Variants in ADGRB1 observed in about 807,000 individuals in gnomAD.
The protein encoded by ADGRB1 is adhesion G protein-coupled receptor B1.
ADGRB1 carries 36 observed loss-of-function variants against 175.7 expected under a neutral mutation model. The ratio of observed to expected loss-of-function variants is 0.20; its 90% confidence interval spans 0.16 to 0.27. The LOEUF (loss-of-function observed/expected upper bound fraction) is 0.27, where lower values mean the gene tolerates loss of function less well. ADGRB1 is among the 10% of genes least tolerant of loss of function. The probability of loss-of-function intolerance (pLI) is 1.00; values close to 1 mark genes in which losing one functional copy is unlikely to be tolerated. For synonymous variants in ADGRB1, 1,054 were observed against 979.4 expected, an observed-to-expected ratio of 1.08 and a Z score of -1.42; for missense variants, 1,731 against 2,255.3, an observed-to-expected ratio of 0.77 and a Z score of 4.71.
At chr8:142,527,243 C>G (rs887747406) in intron 24 of ADGRB1, among the ~76,000 whole-genome samples, 3 of 152,242 alleles carry the variant, frequency 2.0e-5, no homozygotes, top group African/African-American at 7.2e-5. Context: ...AGCTGCGGGG[C>G]GTGGGGAGCT....
intron 18 of ADGRB1, among the ~76,000 whole-genome samples, chr8:142,514,322 C>G (rs933403447): frequency 6.6e-6 from 1 of 152,070 alleles, no homozygotes; most frequent in Admixed American, 6.5e-5. Context: ...GAGTCCTCCT[C>G]TAGAGCTGGC....
At chr8:142,482,424 C>A in intron 11 of ADGRB1, among the ~76,000 whole-genome samples, 1 of 148,468 alleles carries the variant, frequency 6.7e-6, no homozygotes, top group Non-Finnish European at 1.5e-5. Context: ...ACCCACTGAA[C>A]CCTGACCTTG....
At chr8:142,515,999 T>G (rs895376840) in intron 18 of ADGRB1, among the ~76,000 whole-genome samples, 1 of 152,178 alleles carries the variant, frequency 6.6e-6, no homozygotes, top group Non-Finnish European at 1.5e-5. Context: ...GAAAGCCTGG[T>G]GGGTTGGCAG....
intron 2 of ADGRB1, among the ~76,000 whole-genome samples, chr8:142,469,571 GCA>G (rs1267248171): frequency 2.0e-4 from 29 of 145,762 alleles, no homozygotes; most frequent in African/African-American, 7.1e-4. Flanking sequence ...GAATGTGTGT[GCA>G]TGTGTGCATG....
At chr8:142,483,943 C>G in intron 11 of ADGRB1, 34 bp from the exon 12 acceptor site, 1 of 1,610,744 alleles carries the variant, frequency 6.2e-7, no homozygotes, top group Non-Finnish European at 8.5e-7. Flanking sequence ...GTGCCCTGTT[C>G]TCTGTCACTG....
At chr8:142,486,407 G>T (rs1417587162) in intron 13 of ADGRB1, among the ~76,000 whole-genome samples, 1 of 152,342 alleles carries the variant, frequency 6.6e-6, no homozygotes, top group Non-Finnish European at 1.5e-5. Flanking sequence ...CCAGAGACCT[G>T]CCATGACCGG....
chr8:142,514,895 A>G (rs978764484), intron 18 of ADGRB1, among the ~76,000 whole-genome samples: 3 of 152,072 alleles, frequency 2.0e-5, no homozygotes, highest in Admixed American at 6.6e-5. Flanking sequence ...ATGACTAGAG[A>G]CAGAAATTAG....
chr8:142,503,148 C>G (rs993648937), intron 17 of ADGRB1, among the ~76,000 whole-genome samples: 7 of 151,614 alleles, frequency 4.6e-5, no homozygotes, highest in African/African-American at 1.7e-4. Flanking sequence ...CAGCCCAAGC[C>G]CCCTGAGGGA....
At chr8:142,469,696 C>A (rs547042986) in intron 2 of ADGRB1, among the ~76,000 whole-genome samples, 2 of 144,468 alleles carry the variant, frequency 1.4e-5, no homozygotes, top group Admixed American at 1.4e-4. Flanking sequence ...TGAATGTGTG[C>A]GTGCCTGTGT....
intron 17 of ADGRB1, among the ~76,000 whole-genome samples, chr8:142,497,464 G>A (rs902964562): frequency 1.3e-5 from 2 of 152,110 alleles, no homozygotes; most frequent in African/African-American, 2.4e-5. Context: ...CTCCCACGCC[G>A]GCCGGTTCCT....
chr8:142,460,819 C>G (rs1361893198), intron 1 of ADGRB1, among the ~76,000 whole-genome samples: 6 of 152,206 alleles, frequency 3.9e-5, no homozygotes, highest in Non-Finnish European at 8.8e-5. Context: ...ACCTCCTGAG[C>G]ACTCTCCTTC....
chr8:142,450,382 C>G (rs2131596644), intron 1 of ADGRB1, among the ~76,000 whole-genome samples: 1 of 152,098 alleles, frequency 6.6e-6, no homozygotes, highest in South Asian at 2.1e-4. Flanking sequence ...GCAGGAGAGG[C>G]TCCTCGGCGC....
chr8:142,507,544 G>A (rs766636230), intron 17 of ADGRB1, among the ~76,000 whole-genome samples: 2 of 152,214 alleles, frequency 1.3e-5, no homozygotes, highest in East Asian at 3.9e-4. Context: ...GCCGATAAAC[G>A]ACTCAGCACC....
chr8:142,500,907 G>A (rs932185899), intron 17 of ADGRB1, among the ~76,000 whole-genome samples: 8 of 152,178 alleles, frequency 5.3e-5, no homozygotes, highest in Admixed American at 1.3e-4. Context: ...AGGGGTGTCA[G>A]GTGTGACAGG....
At chr8:142,468,558 T>C (rs1392646864) in intron 2 of ADGRB1, among the ~76,000 whole-genome samples, 6 of 152,148 alleles carry the variant, frequency 3.9e-5, no homozygotes, top group African/African-American at 9.7e-5. Context: ...TCAGTAGTAA[T>C]AGTCATTTAT....
intron 11 of ADGRB1, among the ~76,000 whole-genome samples, chr8:142,482,205 C>G (rs1841388351): frequency 6.7e-6 from 1 of 149,530 alleles, no homozygotes; most frequent in Non-Finnish European, 1.5e-5. Flanking sequence ...ATCCTGGTCA[C>G]ACACTGAGCC....
At chr8:142,509,683 A>G (rs1217508480) in intron 17 of ADGRB1, among the ~76,000 whole-genome samples, 4 of 152,210 alleles carry the variant, frequency 2.6e-5, no homozygotes, top group Admixed American at 6.5e-5. Context: ...AAGACCCTCG[A>G]CTTGGGCTTT....
At chr8:142,513,103 C>T (rs906197609) in intron 18 of ADGRB1, among the ~76,000 whole-genome samples, 1 of 152,206 alleles carries the variant, frequency 6.6e-6, no homozygotes, top group Non-Finnish European at 1.5e-5. Context: ...AGGATGCCAG[C>T]AGGCATGTTG....
intron 2 of ADGRB1, among the ~76,000 whole-genome samples, chr8:142,465,270 C>G (rs1275286163): frequency 6.6e-6 from 1 of 152,218 alleles, no homozygotes; most frequent in Non-Finnish European, 1.5e-5. Context: ...CCAGCCCGGG[C>G]ACACGGCGGG....
Sources: gnomAD v4.1 joint callset for allele counts (sites outside exome capture counted in the v4.1 genomes callset) on GRCh38, gnomAD v4.1.1 for gene constraint, MANE v1.5 for transcripts, NCBI Gene and HGNC (gene_info 2026-07-23, HGNC 2026-07-21) for gene names.